The following BTBD9 variants were observed in gnomAD, a reference collection of about 807,000 sequenced individuals.
BTBD9 encodes BTB domain containing 9.
BTBD9 carries 49 observed loss-of-function variants against 64.3 expected under a neutral mutation model. The observed-to-expected ratio is 0.76, with a 90% CI of 0.61 to 0.97. The LOEUF (loss-of-function observed/expected upper bound fraction) is 0.97, where lower values mean the gene tolerates loss of function less well. Among genes scored for constraint, BTBD9 ranks in the 50% least tolerant of loss-of-function variants. BTBD9 has a pLI of 0.00. For missense variants in BTBD9, 598 were observed against 762.1 expected (o/e 0.78, Z 2.53); for synonymous variants, 260 against 274.7 (o/e 0.95, Z 0.53).
rs913083393 is a variant in BTBD9, at chr6:38,170,477, G to GCAACCGGT, written c.*4500_*4507dup. 1.3e-5 allele frequency: 2 copies of GCAACCGGT among 152,544 alleles called. No individual in the cohort carries two copies. The highest frequency in any genetic ancestry group is 4.8e-5 in the African/African-American group (2 of 41,446). 9.4% of individuals were successfully genotyped at this position (152,544 alleles called of 1,614,324 possible). ...CCCCTCCTCCCTCCGCCTCGCCTCT[G>GCAACCGGT]CAACCGGTCTTTCCTCCAAGCAAAC... On this transcript the variant is annotated 3_prime_UTR_variant, in exon 11 of 11. Coordinates refer to ENST00000481247, the MANE Select transcript of BTBD9 (RefSeq NM_001099272.2).
intron 6 of BTBD9, among the ~76,000 whole-genome samples, chr6:38,477,749 G>A (rs1770953793): frequency 6.6e-6 from 1 of 152,182 alleles, no homozygotes; most frequent in African/African-American, 2.4e-5. Flanking sequence ...CGAACTGGGG[G>A]TATTTGAATT....
At chr6:38,636,737 G>A (rs999482739) in intron 1 of BTBD9, among the ~76,000 whole-genome samples, 2 of 152,100 alleles carry the variant, frequency 1.3e-5, no homozygotes, top group Non-Finnish European at 2.9e-5. Context: ...ACTGCCAATG[G>A]ATGGGAGGAG....
Position 38,184,168 on chromosome 6 carries a change from A to G in BTBD9, c.1641+8351T>C, listed in dbSNP as rs142108299. On this transcript the variant is annotated intron_variant, in intron 10 of 10. Transcript: ENST00000481247. This position sits in a 1 kb window ranked among gnomAD's most constrained non-coding sequence, Gnocchi z 4.4. ...TCCTCTGTGGATGGACGCTCGTGGT[A>G]TCCCGTTGGGTTCAGGATGAACAAG... Among the ~76,000 whole-genome samples, 1 of 152,270 alleles carries G rather than the reference A, an allele frequency of 6.6e-6. No individual in the cohort carries two copies. Among genetic ancestry groups the G allele is most frequent in the African/African-American group, 2.4e-5 (1 of 41,560 alleles).
intron 4 of BTBD9, among the ~76,000 whole-genome samples, chr6:38,581,423 T>C (rs1776280449): frequency 6.6e-6 from 1 of 152,208 alleles, no homozygotes; most frequent in Admixed American, 6.5e-5. Flanking sequence ...TTTTCTGCAC[T>C]TGAGAATTTT....
intron 9 of BTBD9, among the ~76,000 whole-genome samples, chr6:38,211,974 T>C (rs1299874910): frequency 6.6e-6 from 1 of 152,226 alleles, no homozygotes; most frequent in Admixed American, 6.5e-5. Flanking sequence ...GACTGACCCA[T>C]GGCTGGGTGA....
chr6:38,358,496 C>T (rs537036943), intron 6 of BTBD9, among the ~76,000 whole-genome samples: 8 of 152,074 alleles, frequency 5.3e-5, no homozygotes, highest in Admixed American at 2.6e-4. Context: ...GAGTTACTGC[C>T]GCAGCAGCAA....
At chr6:38,389,192 T>G (rs1017875375) in intron 6 of BTBD9, among the ~76,000 whole-genome samples, 1 of 152,220 alleles carries the variant, frequency 6.6e-6, no homozygotes, top group Non-Finnish European at 1.5e-5. Context: ...CCAAATTTCT[T>G]TCTACTTACC....
At chr6:38,359,254 C>T (rs929486380) in intron 6 of BTBD9, among the ~76,000 whole-genome samples, 1 of 152,200 alleles carries the variant, frequency 6.6e-6, no homozygotes, top group African/African-American at 2.4e-5. Flanking sequence ...ATTTCCCATT[C>T]CAGGGTCTAT....
intron 7 of BTBD9, among the ~76,000 whole-genome samples, chr6:38,340,580 C>A (rs1469914258): frequency 2.6e-5 from 4 of 152,124 alleles, no homozygotes; most frequent in Non-Finnish European, 5.9e-5. Flanking sequence ...CACAAACAAA[C>A]CTTTGTCACC....
chr6:38,252,828 C>T (rs185976419), intron 9 of BTBD9, among the ~76,000 whole-genome samples: 15 of 152,268 alleles, frequency 9.9e-5, no homozygotes, highest in African/African-American at 3.1e-4. Flanking sequence ...CACACTGGGC[C>T]GGGCACTGTG....
chr6:38,380,569 C>T (rs2127614247), intron 6 of BTBD9, among the ~76,000 whole-genome samples: 1 of 152,262 alleles, frequency 6.6e-6, no homozygotes, highest in Admixed American at 6.5e-5. Context: ...GTGGCTCATG[C>T]CTATAATCCC....
intron 6 of BTBD9, among the ~76,000 whole-genome samples, chr6:38,535,361 C>CA (rs1279766982): frequency 1.1e-4 from 16 of 151,834 alleles, no homozygotes; most frequent in Admixed American, 2.6e-4. Flanking sequence ...GAAGAGGACA[C>CA]AAAAAAATGG....
intron 9 of BTBD9, among the ~76,000 whole-genome samples, chr6:38,249,541 T>A (rs918198524): frequency 4.6e-5 from 7 of 151,990 alleles, no homozygotes; most frequent in African/African-American, 1.5e-4. Context: ...GCTGGGATTA[T>A]AGCAGTCTTT....
At chr6:38,401,719 G>A (rs1766935104) in intron 6 of BTBD9, among the ~76,000 whole-genome samples, 2 of 152,174 alleles carry the variant, frequency 1.3e-5, no homozygotes, top group African/African-American at 2.4e-5. Context: ...AAGAAAACAG[G>A]CTTTGGAGTG....
intron 1 of BTBD9, among the ~76,000 whole-genome samples, chr6:38,624,164 G>A (rs557770182): frequency 6.6e-6 from 1 of 152,322 alleles, no homozygotes; most frequent in East Asian, 1.9e-4. Context: ...TCTGTAAAAC[G>A]CGCAAATTAG....
chr6:38,345,132 C>T (rs1764230660), intron 6 of BTBD9, 39 bp from the exon 7 acceptor site: 1 of 1,355,950 alleles, frequency 7.4e-7, no homozygotes, highest in Non-Finnish European at 1.0e-6. Flanking sequence ...TGAAAATGAG[C>T]TCCCACCACA....
chr6:38,456,549 T>A (rs1769818540), intron 6 of BTBD9, among the ~76,000 whole-genome samples: 1 of 152,166 alleles, frequency 6.6e-6, no homozygotes, highest in South Asian at 2.1e-4. Context: ...TGGGTAATAG[T>A]TATCTTATTA....
At chr6:38,523,973 C>G (rs1773378722) in intron 6 of BTBD9, among the ~76,000 whole-genome samples, 1 of 152,170 alleles carries the variant, frequency 6.6e-6, no homozygotes, top group Non-Finnish European at 1.5e-5. Flanking sequence ...TCTGACTACA[C>G]TATTCATTTG....
chr6:38,468,729 T>C (rs1770506517), intron 6 of BTBD9, among the ~76,000 whole-genome samples: 1 of 152,174 alleles, frequency 6.6e-6, no homozygotes, highest in Non-Finnish European at 1.5e-5. Context: ...ATATAGAGTA[T>C]ACCCAGAAAA....
Sources: gnomAD v4.1 joint callset for allele counts (sites outside exome capture counted in the v4.1 genomes callset) on GRCh38, gnomAD v4.1.1 for gene constraint, Gnocchi (gnomAD v3.1) non-coding constraint, MANE v1.5 for transcripts, NCBI Gene and HGNC (gene_info 2026-07-23, HGNC 2026-07-21) for gene names.